The following WDR47 variants were observed in gnomAD, a reference collection of about 807,000 sequenced individuals.
WDR47 encodes the protein WD repeat domain 47.
WDR47 carries 32 observed loss-of-function variants against 97.2 expected under a neutral mutation model. The ratio of observed to expected loss-of-function variants is 0.33; its 90% CI spans 0.25 to 0.44. WDR47 has a LOEUF of 0.44. Among genes scored for constraint, WDR47 ranks in the 20% least tolerant of loss-of-function variants. WDR47 has a pLI of 1.00. For synonymous variants in WDR47, 375 were observed against 373.5 expected (o/e 1.00, Z -0.05); for missense variants, 782 against 1,102.3 (o/e 0.71, Z 4.11).
At chr1:108,996,563 T>C (rs531967236) in intron 7 of WDR47, among the ~76,000 whole-genome samples, 19 of 152,330 alleles carry the variant, frequency 1.2e-4, no homozygotes, top group Middle Eastern at 3.4e-3. Context: ...AGGAAATGGA[T>C]GACTTGAGCA....
intron 7 of WDR47, among the ~76,000 whole-genome samples, chr1:109,001,769 T>C (rs575139719): frequency 2.2e-4 from 33 of 152,182 alleles, no homozygotes; most frequent in Non-Finnish European, 3.1e-4. Context: ...GTATATGCTG[T>C]AGCGCCAGCT....
chr1:108,977,393 A>G (rs1420863666), intron 13 of WDR47, among the ~76,000 whole-genome samples: 1 of 152,124 alleles, frequency 6.6e-6, no homozygotes, highest in Non-Finnish European at 1.5e-5. Flanking sequence ...ACCTCAGGAA[A>G]TCCACCCACC....
At chr1:109,017,394 T>G in intron 3 of WDR47, 124 bp downstream of exon 3, 1 of 765,644 alleles carries the variant, frequency 1.3e-6, no homozygotes, top group Non-Finnish European at 2.2e-6. Flanking sequence ...CAGAGAGAGA[T>G]CAATTTGTTT....
intron 3 of WDR47, among the ~76,000 whole-genome samples, chr1:109,014,437 CT>C (rs938595484): frequency 1.6e-3 from 234 of 142,422 alleles, no homozygotes; most frequent in Middle Eastern, 3.6e-3. Context: ...TTTTCCTTTT[CT>C]TTTTTTTTTT....
rs769720300 is a variant in WDR47 at position 109,017,570 on chromosome 1, C to T, written c.190G>A (p.Val64Ile). The T allele has an allele frequency of 3.7e-5, 60 of 1,612,248 alleles. No homozygotes were observed. The highest frequency in any genetic ancestry group is 4.8e-5 in the Non-Finnish European group (57 of 1,179,732). Reference protein sequence around the residue: ...QLILDGQWDEVLQFIQPLECM... With the variant: ...QLILDGQWDEILQFIQPLECM... ...TCTAGAGGCTGAATGAACTGAAGAA[C>T]TTCATCCCATTGACCATCAAGTATT... Residue 64 changes from valine to isoleucine, a missense_variant, in exon 3 of 15, where the codon GTT becomes ATT. Coordinates refer to ENST00000369962, the MANE Select transcript of WDR47 (RefSeq NM_001142551.2).
Position 108,974,555 on chromosome 1 carries a change from T to C in WDR47, c.2598A>G (p.Ile866Met), listed in dbSNP as rs777339218. 3.1e-6 allele frequency: 5 copies of C among 1,614,118 alleles called. No individual in the cohort carries two copies. In the South Asian group the frequency reaches 4.4e-5, roughly 14 times the overall value. The change falls in exon 14 of 15, where the codon ATA (isoleucine) becomes ATG (methionine). Residue 866 changes from isoleucine to methionine, a missense_variant. Physicochemically the swap from Ile to Met is conservative, Grantham distance 10 (BLOSUM62 1). Coordinates refer to ENST00000369962, the MANE Select transcript of WDR47 (RefSeq NM_001142551.2). ...AATCACCTTGTAGGTCTGTCACCTTTATTTTCATATCATAAGAGCCTGTTA... is the reference window on the plus strand; with the variant it reads ...AATCACCTTGTAGGTCTGTCACCTTCATTTTCATATCATAAGAGCCTGTTA... ...YLLTGSYDMK[I>M]KVTDLQGDLT... is the part of the protein sequence containing the mutation.
At chr1:109,035,591 G>C (rs1177256857) in intron 1 of WDR47, among the ~76,000 whole-genome samples, 1 of 150,014 alleles carries the variant, frequency 6.7e-6, no homozygotes, top group Non-Finnish European at 1.5e-5. Flanking sequence ...TCTGCCTCCT[G>C]GGCTCTAGTG....
chr1:109,006,833 C>G (rs972702461), intron 5 of WDR47, among the ~76,000 whole-genome samples: 2 of 152,076 alleles, frequency 1.3e-5, no homozygotes, highest in African/African-American at 4.8e-5. Flanking sequence ...GAAAGATATC[C>G]TTTTAAAATA....
At chr1:109,032,916 G>A (rs1285890401) in intron 1 of WDR47, among the ~76,000 whole-genome samples, 2 of 151,740 alleles carry the variant, frequency 1.3e-5, no homozygotes, top group Non-Finnish European at 2.9e-5. Flanking sequence ...ATTACAAAAC[G>A]TAAATCTTCC....
At position 109,013,894 on chromosome 1, in the gene WDR47, A is replaced by C; in HGVS notation, c.274T>G (p.Leu92Val). 6.2e-7 allele frequency: 1 copy of C among 1,613,004 alleles called. No homozygotes were observed. The highest frequency in any genetic ancestry group is 8.5e-7 in the Non-Finnish European group (1 of 1,179,844). Residue 92 changes from leucine (L) to valine (V), a missense_variant, in exon 4 of 15, where the codon TTA becomes GTA. Coordinates refer to ENST00000369962, the MANE Select transcript of WDR47 (RefSeq NM_001142551.2). The part of the protein sequence containing the change: ...FRYIILKQKF[L>V]EALCVNNAMS... ...GCGTTGTTAACACATAAAGCTTCTA[A>C]AAACTTCTGCTTCAGGATAATATAA...
intron 5 of WDR47, among the ~76,000 whole-genome samples, chr1:109,010,676 G>A (rs902025771): frequency 2.7e-5 from 4 of 148,532 alleles, no homozygotes; most frequent in South Asian, 4.2e-4. Flanking sequence ...TCCCCCTCCC[G>A]GGTTCACGCC....
intron 5 of WDR47, among the ~76,000 whole-genome samples, chr1:109,006,571 T>A (rs1253462170): frequency 6.6e-6 from 1 of 152,190 alleles, no homozygotes; most frequent in Admixed American, 6.5e-5. Flanking sequence ...TATACAGAAC[T>A]TCCATATGCA....
intron 2 of WDR47, 74 bp downstream of exon 2, chr1:109,023,281 T>C (rs1571239872): frequency 7.1e-7 from 1 of 1,413,246 alleles, no homozygotes; most frequent in Non-Finnish European, 9.6e-7. Context: ...CTATCTGTAT[T>C]ATATATATTA....
intron 8 of WDR47, chr1:108,992,171 T>C: frequency 3.0e-6 from 2 of 667,402 alleles, no homozygotes; most frequent in Non-Finnish European, 5.4e-6. Context: ...AAGAGCAAGA[T>C]CTATTTTTTA....
chr1:109,005,380 T>C (rs1038954582), intron 5 of WDR47, among the ~76,000 whole-genome samples: 2 of 152,106 alleles, frequency 1.3e-5, no homozygotes, highest in African/African-American at 4.8e-5. Flanking sequence ...GCCACTGCAC[T>C]CCAGCCTGGG....
intron 2 of WDR47, among the ~76,000 whole-genome samples, chr1:109,019,293 G>A (rs755541858): frequency 2.0e-5 from 3 of 150,336 alleles, no homozygotes; most frequent in Non-Finnish European, 4.4e-5. Context: ...CTGAGGCAGG[G>A]AGAATTGCTT....
At chr1:108,995,546 A>G (rs780977685) in intron 8 of WDR47, 34 bp downstream of exon 8, 3 of 1,608,652 alleles carry the variant, frequency 1.9e-6, no homozygotes, top group Non-Finnish European at 2.6e-6. Context: ...GTAGTAAGTT[A>G]ATATTTCCAA....
At chr1:108,981,602 AAAGT>A (rs1658352388) in intron 13 of WDR47, 127 bp downstream of exon 13, 1 of 903,152 alleles carries the variant, frequency 1.1e-6, no homozygotes, top group African/African-American at 1.7e-5. Context: ...GAAAGAACTG[AAAGT>A]AACTAATAAA....
chr1:108,999,045 G>T (rs1194305376), intron 7 of WDR47, among the ~76,000 whole-genome samples: 3 of 152,072 alleles, frequency 2.0e-5, no homozygotes, highest in African/African-American at 4.8e-5. Flanking sequence ...GACCAACATG[G>T]TGAAAGCCTG....
Sources: allele counts gnomAD v4.1 joint callset (sites outside exome capture counted in the v4.1 genomes callset), GRCh38; gene constraint gnomAD v4.1.1; transcripts MANE v1.5; gene names NCBI Gene and HGNC (gene_info 2026-07-23, HGNC 2026-07-21).